The following HPSE2 variants were observed in gnomAD, a reference collection of about 807,000 sequenced individuals.
The protein encoded by HPSE2 is heparanase 2 (inactive).
HPSE2 carries 38 observed loss-of-function variants against 60.5 expected under a neutral mutation model. The ratio of observed to expected loss-of-function variants is 0.63; its 90% confidence interval spans 0.48 to 0.82. The LOEUF is 0.82. Among genes scored for constraint, HPSE2 ranks in the 40% least tolerant of loss-of-function variants. The probability of loss-of-function intolerance (pLI) is 0.00; values close to 1 mark genes in which losing one functional copy is unlikely to be tolerated. For synonymous variants in HPSE2, 295 were observed against 293.2 expected (o/e 1.01, Z -0.06); for missense variants, 713 against 740.4 (o/e 0.96, Z 0.43).
intron 3 of HPSE2, among the ~76,000 whole-genome samples, chr10:98,986,290 C>A (rs1398848518): frequency 3.3e-5 from 5 of 151,376 alleles, no homozygotes; most frequent in African/African-American, 7.3e-5. Flanking sequence ...ATAACAAACT[C>A]TCTCTCAGAC....
intron 2 of HPSE2, among the ~76,000 whole-genome samples, chr10:99,208,593 G>A (rs1370263295): frequency 1.3e-5 from 2 of 151,944 alleles, no homozygotes; most frequent in East Asian, 1.9e-4. Flanking sequence ...GGAATGAGGT[G>A]GGAGGATCAC....
At chr10:99,258,470 T>C in the HPSE2 span, among the ~76,000 whole-genome samples, 1 of 152,290 alleles carries the variant, frequency 6.6e-6, no homozygotes, top group South Asian at 2.1e-4. Context: ...AAAATAGTTC[T>C]GTAGATTCAA....
intron 9 of HPSE2, among the ~76,000 whole-genome samples, chr10:98,496,114 T>C (rs1013679391): frequency 6.6e-6 from 1 of 152,046 alleles, no homozygotes; most frequent in Admixed American, 6.6e-5. Context: ...GCTGCCTCTG[T>C]GCCAAGGATC....
intron 9 of HPSE2, among the ~76,000 whole-genome samples, chr10:98,500,185 T>A (rs1318993238): frequency 6.6e-6 from 1 of 152,092 alleles, no homozygotes; most frequent in African/African-American, 2.4e-5. Flanking sequence ...TTAACAGATA[T>A]ATATAGAACA....
At chr10:99,208,649 C>T (rs1480671621) in intron 2 of HPSE2, among the ~76,000 whole-genome samples, 1 of 150,542 alleles carries the variant, frequency 6.6e-6, no homozygotes, top group East Asian at 2.0e-4. Flanking sequence ...TACACCACTG[C>T]ACTCCCACCT....
chr10:98,661,375 T>C (rs1038984693), intron 6 of HPSE2, among the ~76,000 whole-genome samples: 1 of 152,226 alleles, frequency 6.6e-6, no homozygotes, highest in African/African-American at 2.4e-5. Context: ...AGCTAATATA[T>C]GTACAAGGCT....
At chr10:99,013,884 C>A in intron 3 of HPSE2, 1 of 399,962 alleles carries the variant, frequency 2.5e-6, no homozygotes, top group South Asian at 2.0e-5. Context: ...CACTATCCAG[C>A]CCAATAATGA....
At chr10:99,065,159 G>A (rs1428570686) in intron 3 of HPSE2, among the ~76,000 whole-genome samples, 1 of 151,962 alleles carries the variant, frequency 6.6e-6, no homozygotes, top group Admixed American at 6.6e-5. Flanking sequence ...GCTCAATTTT[G>A]TGATATTCTT....
intron 3 of HPSE2, among the ~76,000 whole-genome samples, chr10:99,077,739 C>T (rs7894666): frequency 0.011 from 1,631 of 150,240 alleles, 23 homozygotes; most frequent in African/African-American, 0.035. Context: ...TGTGTGTGTA[C>T]TACACACACA....
At chr10:99,272,976 A>T in the HPSE2 span, among the ~76,000 whole-genome samples, 80 of 152,230 alleles carry the variant, frequency 5.3e-4, no homozygotes, top group Non-Finnish European at 7.8e-4. Context: ...ATGCATGTTT[A>T]TAGCAGCACA....
At chr10:98,887,264 T>A (rs542771963) in intron 3 of HPSE2, among the ~76,000 whole-genome samples, 2 of 152,264 alleles carry the variant, frequency 1.3e-5, no homozygotes, top group South Asian at 4.1e-4. Flanking sequence ...TTTCCTCAGG[T>A]CATTAACCTT....
intron 3 of HPSE2, among the ~76,000 whole-genome samples, chr10:98,803,744 G>A (rs1589852658): frequency 6.6e-6 from 1 of 151,008 alleles, no homozygotes; most frequent in Admixed American, 6.6e-5. Flanking sequence ...ATAGTTTGAA[G>A]TCAGGTAGCA....
intron 9 of HPSE2, among the ~76,000 whole-genome samples, chr10:98,492,700 A>T (rs1941698600): frequency 6.6e-6 from 1 of 152,168 alleles, no homozygotes; most frequent in Non-Finnish European, 1.5e-5. Context: ...CTCTCTAAAA[A>T]AGGAGATGAG....
chr10:98,800,841 T>C (rs1282246310), intron 3 of HPSE2, among the ~76,000 whole-genome samples: 1 of 152,110 alleles, frequency 6.6e-6, no homozygotes, highest in Non-Finnish European at 1.5e-5. Flanking sequence ...TTCTGAAAAA[T>C]AGAGGAGGAC....
intron 3 of HPSE2, among the ~76,000 whole-genome samples, chr10:99,019,665 T>C (rs1435375606): frequency 1.3e-5 from 2 of 152,054 alleles, no homozygotes; most frequent in Non-Finnish European, 2.9e-5. Context: ...CCCTCTCAAA[T>C]ACAACGGCAG....
intron 3 of HPSE2, among the ~76,000 whole-genome samples, chr10:98,765,606 G>A (rs4595480): frequency 0.039 from 5,990 of 152,144 alleles, 189 homozygotes; most frequent in East Asian, 0.12. Flanking sequence ...TTGGGAGGCC[G>A]AGACGGGTGG....
chr10:98,722,917 C>G (rs1214721592), intron 4 of HPSE2, among the ~76,000 whole-genome samples: 1 of 152,172 alleles, frequency 6.6e-6, no homozygotes, highest in Non-Finnish European at 1.5e-5. Flanking sequence ...CAAACAGGGA[C>G]AATTTGACTT....
chr10:98,569,909 C>T (rs1194492291), intron 9 of HPSE2, among the ~76,000 whole-genome samples: 2 of 152,226 alleles, frequency 1.3e-5, no homozygotes, highest in Non-Finnish European at 2.9e-5. Context: ...ACAACTGCCA[C>T]AAATTAAACT....
In HPSE2 at chr10:98,584,316, G is replaced by A. The variant is rs529158611; in HGVS notation, c.1320+30588C>T. Among the ~76,000 whole-genome samples, 4 of 152,288 alleles carry A rather than the reference G, an allele frequency of 2.6e-5. No homozygotes were observed. In the East Asian group the frequency reaches 7.7e-4, roughly 29 times the overall value. On this transcript the variant is annotated intron_variant, in intron 9 of 11. Transcript: ENST00000370552. ...TTCACTGGACTGAATCTTCCCCTGTGTAAGGGCAGAAATAAGAAATTGGAT... is the reference window on the plus strand; with the variant it reads ...TTCACTGGACTGAATCTTCCCCTGTATAAGGGCAGAAATAAGAAATTGGAT...
Sources: gnomAD v4.1 joint callset for allele counts (sites outside exome capture counted in the v4.1 genomes callset) on GRCh38, gnomAD v4.1.1 for gene constraint, MANE v1.5 for transcripts, NCBI Gene and HGNC (gene_info 2026-07-23, HGNC 2026-07-21) for gene names.